Variants in BLK observed in about 807,000 individuals in gnomAD.
BLK encodes BLK proto-oncogene, Src family tyrosine kinase, also known as tyrosine-protein kinase Blk.
Under a neutral mutation model 61.8 loss-of-function variants are expected in BLK, and 64 were observed. The observed-to-expected ratio is 1.03, with a 90% CI of 0.85 to 1.27. The LOEUF is 1.27. Ranked by LOEUF, BLK falls within the 50% of genes most tolerant of loss-of-function variation. BLK has a pLI of 0.00. For synonymous variants in BLK, 351 were observed against 272.0 expected (o/e 1.29, Z -2.86); for missense variants, 853 against 660.5 (o/e 1.29, Z -3.19).
intron 1 of BLK, among the ~76,000 whole-genome samples, chr8:11,508,472 A>G (rs942677064): frequency 2.0e-5 from 3 of 152,076 alleles, no homozygotes; most frequent in Non-Finnish European, 2.9e-5. Context: ...CATGTGTGGG[A>G]CCTTCCTTGG....
intron 10 of BLK, 40 bp from the exon 11 acceptor site, chr8:11,561,262 G>A (rs374531191): frequency 3.7e-6 from 6 of 1,600,720 alleles, no homozygotes; most frequent in Admixed American, 3.4e-5. Context: ...TTGGCGTGGA[G>A]GCCCCCAGGC....
At chr8:11,558,499 C>G (rs909135364) in intron 10 of BLK, 4 of 374,378 alleles carry the variant, frequency 1.1e-5, no homozygotes, top group Non-Finnish European at 2.1e-5. Flanking sequence ...GGCGTCGACC[C>G]CAGGCTGATG....
intron 12 of BLK, among the ~76,000 whole-genome samples, 182 bp from the exon 13 acceptor site, chr8:11,563,721 G>C (rs1479922407): frequency 1.3e-5 from 2 of 152,234 alleles, no homozygotes; most frequent in Middle Eastern, 3.2e-3. Context: ...GCAATAAAAA[G>C]TAAATAAAGG....
intron 10 of BLK, chr8:11,558,480 C>T: frequency 2.7e-6 from 1 of 364,738 alleles, no homozygotes; most frequent in Non-Finnish European, 5.4e-6. Context: ...TCAGCCTTTG[C>T]ACAGCCCTGG....
At position 11,549,065 on chromosome 8, in the gene BLK, G is replaced by C. The variant is rs142298864; in HGVS notation, c.311G>C (p.Arg104Thr). The C allele has an allele frequency of 6.2e-7, 1 of 1,611,874 alleles. No individual in the cohort carries two copies. The highest frequency in any genetic ancestry group is 8.5e-7 in the Non-Finnish European group (1 of 1,179,256). ...WWLARSLVTG[R>T]EGYVPSNFVA... Reference sequence around the variant, plus strand: ...CTGGCCAGGTCACTCGTCACAGGAAGAGAAGGCTATGTGCCCAGTAACTTT... The same window carrying C: ...CTGGCCAGGTCACTCGTCACAGGAACAGAAGGCTATGTGCCCAGTAACTTT... The change falls in exon 5 of 13, where the codon AGA becomes ACA. Residue 104 changes from arginine to threonine, a missense_variant. Transcript: ENST00000259089.
intron 1 of BLK, among the ~76,000 whole-genome samples, chr8:11,517,792 G>T (rs1408043036): frequency 6.6e-6 from 1 of 152,210 alleles, no homozygotes; most frequent in African/African-American, 2.4e-5. Flanking sequence ...GGTGCTGCAG[G>T]CCAAGCTCTT....
intron 3 of BLK, among the ~76,000 whole-genome samples, 197 bp from the exon 4 acceptor site, chr8:11,547,835 A>G (rs1361468339): frequency 6.6e-6 from 1 of 151,950 alleles, no homozygotes; most frequent in African/African-American, 2.4e-5. Context: ...TCCACAACGG[A>G]GGACAGGATG....
intron 1 of BLK, among the ~76,000 whole-genome samples, chr8:11,503,815 G>A (rs1171006900): frequency 6.6e-6 from 1 of 152,176 alleles, no homozygotes; most frequent in Non-Finnish European, 1.5e-5. Flanking sequence ...TGGGCTCGCA[G>A]TGAAAGGGGC....
At chr8:11,542,523 C>A (rs1213150926) in intron 1 of BLK, among the ~76,000 whole-genome samples, 2 of 152,180 alleles carry the variant, frequency 1.3e-5, no homozygotes, top group Non-Finnish European at 2.9e-5. Context: ...ATATAAATAG[C>A]AGCCCCTGGA....
chr8:11,495,413 G>C (rs541544802), intron 1 of BLK, among the ~76,000 whole-genome samples: 1 of 152,326 alleles, frequency 6.6e-6, no homozygotes, highest in South Asian at 2.1e-4. Flanking sequence ...TAAGAGTATG[G>C]AAAGGGAGAA....
intron 4 of BLK, 21 bp from the exon 5 acceptor site, chr8:11,549,003 T>C (rs373776082): frequency 1.3e-6 from 2 of 1,591,510 alleles, no homozygotes; most frequent in African/African-American, 1.3e-5. Context: ...ATCTCATCTC[T>C]GTTTCCCCTG....
intron 2 of BLK, among the ~76,000 whole-genome samples, chr8:11,543,957 G>C (rs568230212): frequency 7.0e-6 from 1 of 142,730 alleles, no homozygotes; most frequent in Admixed American, 7.8e-5. Context: ...CAGCATGTCT[G>C]AAGATGCATT....
At chr8:11,496,842 C>T (rs1228496584) in intron 1 of BLK, among the ~76,000 whole-genome samples, 6 of 152,174 alleles carry the variant, frequency 3.9e-5, no homozygotes, top group Admixed American at 6.5e-5. Flanking sequence ...AGCCCTTCCT[C>T]GAGAGTAAAC....
intron 1 of BLK, among the ~76,000 whole-genome samples, chr8:11,515,988 G>A (rs1799209832): frequency 2.6e-5 from 4 of 152,246 alleles, no homozygotes; most frequent in Admixed American, 6.5e-5. Context: ...GCGTGCCTGG[G>A]ATGTCAGGCA....
chr8:11,556,878 G>A, intron 9 of BLK, 41 bp downstream of exon 9: 5 of 1,605,244 alleles, frequency 3.1e-6, no homozygotes, highest in Non-Finnish European at 4.3e-6. Flanking sequence ...AGCGAGGCGG[G>A]AGGGCCGGGC....
At chr8:11,558,086 T>G in intron 10 of BLK, 48 bp downstream of exon 10, 1 of 1,581,396 alleles carries the variant, frequency 6.3e-7, no homozygotes, top group African/African-American at 1.3e-5. Flanking sequence ...TGCCACCTGC[T>G]GCCCACAATG....
At chr8:11,530,547 T>C (rs1374174086) in intron 1 of BLK, among the ~76,000 whole-genome samples, 1 of 152,228 alleles carries the variant, frequency 6.6e-6, no homozygotes, top group Non-Finnish European at 1.5e-5. Flanking sequence ...CTCAAGTAAC[T>C]ATATTGCCTT....
intron 1 of BLK, among the ~76,000 whole-genome samples, chr8:11,499,857 AT>A (rs1257781505): frequency 3.3e-5 from 5 of 150,882 alleles, no homozygotes; most frequent in Admixed American, 6.6e-5. Flanking sequence ...CTTTATACAC[AT>A]TTTTTTTTCT....
At position 11,502,048 on chromosome 8, in the gene BLK, T is replaced by A. The variant is rs2409781; in HGVS notation, c.-2+7457T>A. 2.0e-5 allele frequency among the ~76,000 whole-genome samples: 3 copies of A among 152,158 alleles called. No individual in the cohort carries two copies. The East Asian group carries it at 5.8e-4, about 29-fold the overall frequency. On this transcript the variant is annotated intron_variant, in intron 1 of 12. Coordinates refer to ENST00000259089, the MANE Select transcript of BLK (RefSeq NM_001715.3). ...CCCACCAGGGCCAATTTCAAGTTGCTAACATGACTTGCGTGAACATGGGTT... is the reference window on the plus strand; with the variant it reads ...CCCACCAGGGCCAATTTCAAGTTGCAAACATGACTTGCGTGAACATGGGTT...
Sources: allele counts gnomAD v4.1 joint callset (sites outside exome capture counted in the v4.1 genomes callset), GRCh38; gene constraint gnomAD v4.1.1; transcripts MANE v1.5; gene names NCBI Gene and HGNC (gene_info 2026-07-23, HGNC 2026-07-21).